Variants in EVI5L observed in about 807,000 individuals in gnomAD.
The protein encoded by EVI5L is EVI5-like protein.
In EVI5L, 30 loss-of-function variants were observed where a neutral mutation model predicts 106.1. That is an observed-to-expected ratio of 0.28 (90% CI 0.21 to 0.38). The LOEUF (loss-of-function observed/expected upper bound fraction) is 0.38. EVI5L is among the 10% of genes least tolerant of loss of function. The pLI is 1.00. For synonymous variants in EVI5L, 489 were observed against 483.3 expected (o/e 1.01, Z -0.15); for missense variants, 809 against 1,098.0 (o/e 0.74, Z 3.72).
intron 3 of EVI5L, 79 bp downstream of exon 3, chr19:7,848,000 A>G: frequency 6.9e-7 from 1 of 1,454,264 alleles, no homozygotes; most frequent in Non-Finnish European, 9.1e-7. Context: ...AGGCAGCGCC[A>G]GGGTCTGCGG....
intron 10 of EVI5L, 135 bp downstream of exon 10, chr19:7,853,468 C>T: frequency 8.6e-7 from 1 of 1,159,428 alleles, no homozygotes; most frequent in Non-Finnish European, 1.2e-6. Flanking sequence ...GGCGGACAGG[C>T]CTCCGCCCAC....
chr19:7,858,113 CCT>C lies in EVI5L; in HGVS notation c.1234-77_1234-76del. The C allele has an allele frequency of 1.3e-6, 2 of 1,500,396 alleles. No individual in the cohort carries two copies. Among genetic ancestry groups the C allele is most frequent in the Admixed American group, 2.1e-5 (1 of 48,014 alleles). The allele number at this position is 1,500,396 out of a possible 1,614,324, so 92.9% of individuals were successfully genotyped here. ...CCCACCTCCACTCTCTGGGCCTCCCCCTGTGGCGGGAGGCAGGGCCTTGGGTG... is the reference window on the plus strand; with the variant it reads ...CCCACCTCCACTCTCTGGGCCTCCCCGTGGCGGGAGGCAGGGCCTTGGGTG... On this transcript the variant is annotated intron_variant, in intron 12 of 19. Transcript: ENST00000538904. This position sits in a 1 kb window ranked among gnomAD's most constrained non-coding sequence, Gnocchi z 5.7.
rs1243098791 is a variant in EVI5L, at chr19:7,857,744, G to A, written c.1234-447G>A. 3.2e-5 allele frequency: 6 copies of A among 189,918 alleles called. No individual in the cohort carries two copies. In the South Asian group the frequency reaches 6.3e-4, roughly 20 times the overall value. 11.8% of individuals were successfully genotyped at this position (189,918 alleles called of 1,614,324 possible). ...GCTCCAGGCAGGTGGAGGCCCCAGA[G>A]CCCAGGACTAGAGAAGATGCCGCTG... On this transcript the variant is annotated intron_variant, in intron 12 of 19. Transcript: ENST00000538904. This position sits in a 1 kb window ranked among gnomAD's most constrained non-coding sequence, Gnocchi z 4.5.
At chr19:7,862,603 C>A in intron 17 of EVI5L, 69 bp downstream of exon 17, 1 of 1,283,022 alleles carries the variant, frequency 7.8e-7, no homozygotes, top group Non-Finnish European at 1.0e-6. Context: ...TGAGGCCCCG[C>A]CCCCAATCCG....
At chr19:7,842,261 GTACA>G (rs1978639636) in intron 1 of EVI5L, among the ~76,000 whole-genome samples, 1 of 151,580 alleles carries the variant, frequency 6.6e-6, no homozygotes, top group African/African-American at 2.4e-5. Context: ...GTGTGCATGT[GTACA>G]TGTGTATGAA....
intron 13 of EVI5L, among the ~76,000 whole-genome samples, chr19:7,859,405 T>A (rs1369177754): frequency 6.6e-6 from 1 of 152,084 alleles, no homozygotes; most frequent in Non-Finnish European, 1.5e-5. Flanking sequence ...CATGGAGTGC[T>A]TGAGAAAGAA....
intron 14 of EVI5L, 22 bp from the exon 15 acceptor site, chr19:7,861,856 C>T: frequency 6.5e-7 from 1 of 1,550,154 alleles, no homozygotes; most frequent in South Asian, 1.2e-5. Context: ...TCCCCCAGGC[C>T]CTGACCCCAC....
chr19:7,846,330 G>T (rs914206214), intron 1 of EVI5L, among the ~76,000 whole-genome samples, 166 bp from the exon 2 acceptor site: 7 of 152,222 alleles, frequency 4.6e-5, no homozygotes, highest in Admixed American at 1.3e-4. Flanking sequence ...CGAACAGAAG[G>T]GGCAGCATGG....
intron 1 of EVI5L, among the ~76,000 whole-genome samples, chr19:7,832,882 A>G (rs891610778): frequency 6.6e-6 from 1 of 152,126 alleles, no homozygotes; most frequent in African/African-American, 2.4e-5. Flanking sequence ...TGCCCCACAT[A>G]GACCTCTGAC....
At position 7,863,400 on chromosome 19, in the gene EVI5L, T is replaced by G; in HGVS notation, c.2140-24T>G. The G allele has an allele frequency of 6.5e-7, 1 of 1,530,222 alleles. No individual in the cohort carries two copies. The highest frequency in any genetic ancestry group is 8.8e-7 in the Non-Finnish European group (1 of 1,139,066). The allele number at this position is 1,530,222 out of a possible 1,614,324, so 94.8% of individuals were successfully genotyped here. Reference sequence around the variant, plus strand: ...GCGGGGCAGAAGGCCGGTCCACGCCTGCAGCGCCGGTCCCCCGCCCCAGGT... The same window carrying G: ...GCGGGGCAGAAGGCCGGTCCACGCCGGCAGCGCCGGTCCCCCGCCCCAGGT... On this transcript the variant is annotated intron_variant, in intron 19 of 19. Transcript: ENST00000538904. The surrounding 1 kb of genome is among the most constrained non-coding windows in gnomAD (Gnocchi z 7.7).
Position 7,862,008 on chromosome 19 carries a change from A to G in EVI5L, c.1634A>G (p.Asp545Gly), listed in dbSNP as rs890857988. The G allele has an allele frequency of 1.9e-6, 3 of 1,546,934 alleles. No individual in the cohort carries two copies. The highest frequency in any genetic ancestry group is 2.7e-5 in the African/African-American group (2 of 73,012). Residue 545 changes from aspartate to glycine, a missense_variant, in exon 15 of 20, where the codon GAC becomes GGC. Physicochemically the swap from Asp to Gly is moderately conservative, Grantham distance 94. Transcript: ENST00000538904. ...ELKLQLQELS[D>G]TWQAHLARGG... is the part of the protein sequence containing the mutation. ...AAACTGCAGCTGCAGGAGCTCTCGG[A>G]CACCTGGCAGGTGAGGGCCGGGTGG... is the stretch of plus-strand genomic sequence containing the variant.
Position 7,863,436 on chromosome 19 carries a change from A to AAGGGCCCGCCGCCCTTCG in EVI5L, c.2156_2173dup (p.Gly719_Glu724dup), listed in dbSNP as rs1458440281. 1 of 1,546,002 alleles carries AAGGGCCCGCCGCCCTTCG rather than the reference A, an allele frequency of 6.5e-7. No individual in the cohort carries two copies. The highest frequency in any genetic ancestry group is 1.2e-5 in the South Asian group (1 of 84,058). On this transcript the variant is annotated inframe_insertion, in exon 20 of 20. Transcript: ENST00000538904. This position sits in a 1 kb window ranked among gnomAD's most constrained non-coding sequence, Gnocchi z 7.7. ...TCCCCCGCCCCAGGTGCGGCTGCTG[A>AAGGGCCCGCCGCCCTTCG]AGGGCCCGCCGCCCTTCGAGGACCC...
At chr19:7,842,670 G>A (rs1396266245) in intron 1 of EVI5L, among the ~76,000 whole-genome samples, 3 of 151,948 alleles carry the variant, frequency 2.0e-5, no homozygotes, top group Non-Finnish European at 4.4e-5. Flanking sequence ...TCAAGTGTGT[G>A]CATGGATGTG....
At position 7,848,870 on chromosome 19, in the gene EVI5L, G is replaced by A. The variant is rs1332111341; in HGVS notation, c.328-51G>A. ...AGGAGCTGGGCTGGGTGGCCACGGGGAGGCTGCGCTGGGACCGAGTCCAGC... is the reference window on the plus strand; with the variant it reads ...AGGAGCTGGGCTGGGTGGCCACGGGAAGGCTGCGCTGGGACCGAGTCCAGC... On this transcript the variant is annotated intron_variant, in intron 3 of 19. Coordinates refer to ENST00000538904, the MANE Select transcript of EVI5L (RefSeq NM_001159944.3). This position sits in a 1 kb window ranked among gnomAD's most constrained non-coding sequence, Gnocchi z 4.8. The A allele has an allele frequency of 1.3e-6, 2 of 1,567,772 alleles. No homozygotes were observed.
At chr19:7,861,290 C>T (rs1250199987) in intron 14 of EVI5L, among the ~76,000 whole-genome samples, 1 of 152,216 alleles carries the variant, frequency 6.6e-6, no homozygotes, top group Non-Finnish European at 1.5e-5. Flanking sequence ...GCTCCGCTCC[C>T]GCCTCCCTCC....
rs1979060657 is a variant in EVI5L, at chr19:7,848,294, AG to A, written c.327+374del. 6.6e-6 allele frequency among the ~76,000 whole-genome samples: 1 copy of A among 151,854 alleles called. No homozygotes were observed. The highest frequency in any genetic ancestry group is 1.5e-5 in the Non-Finnish European group (1 of 67,970). ...GTAATGAGACTCCGACTCTATAAAA[AG>A]TTTAAAAATTAGCCAGGTAGGCCGG... On this transcript the variant is annotated intron_variant, in intron 3 of 19. Coordinates refer to ENST00000538904, the MANE Select transcript of EVI5L (RefSeq NM_001159944.3). This position sits in a 1 kb window ranked among gnomAD's most constrained non-coding sequence, Gnocchi z 4.8.
chr19:7,862,654 G>T (rs1240926911), intron 17 of EVI5L, 120 bp downstream of exon 17: 1 of 903,004 alleles, frequency 1.1e-6, no homozygotes, highest in Non-Finnish European at 1.5e-6. Flanking sequence ...CCCTGCCCGC[G>T]GTCCTCCCGC....
rs969089910 is a variant in EVI5L at position 7,860,426 on chromosome 19, G to T, written c.1375-135G>T. Reference sequence around the variant, plus strand: ...TAGGCCCTGAGCATCAGGGGGTCCAGCCCAGGACACCCCAAGCCTGGGCCC... The same window carrying T: ...TAGGCCCTGAGCATCAGGGGGTCCATCCCAGGACACCCCAAGCCTGGGCCC... On this transcript the variant is annotated intron_variant, in intron 13 of 19. Transcript: ENST00000538904. 5 of 716,534 alleles carry T rather than the reference G, an allele frequency of 7.0e-6. No homozygotes were observed. In the Admixed American group the frequency reaches 1.5e-4, roughly 22 times the overall value. 44.4% of individuals were successfully genotyped at this position (716,534 alleles called of 1,614,324 possible).
Position 7,850,332 on chromosome 19 carries a change from G to T in EVI5L, c.753+210G>T, listed in dbSNP as rs781123718. On this transcript the variant is annotated intron_variant, in intron 6 of 19. Transcript: ENST00000538904. This position sits in a 1 kb window ranked among gnomAD's most constrained non-coding sequence, Gnocchi z 5.4. ...CTTTCCATGCAGCACTGCCCTGAAG[G>T]ATGCTTGGAGGAACAGGAGAGCCAC... Among the ~76,000 whole-genome samples the T allele has an allele frequency of 3.3e-5, 5 of 152,162 alleles. No homozygotes were observed. The highest frequency in any genetic ancestry group is 6.5e-5 in the Admixed American group (1 of 15,282).
Sources: gnomAD v4.1 joint callset for allele counts (sites outside exome capture counted in the v4.1 genomes callset) on GRCh38, gnomAD v4.1.1 for gene constraint, Gnocchi (gnomAD v3.1) non-coding constraint, MANE v1.5 for transcripts, NCBI Gene and HGNC (gene_info 2026-07-23, HGNC 2026-07-21) for gene names.